The following METTL9 variants were observed in gnomAD, a reference collection of about 807,000 sequenced individuals.
METTL9 encodes the protein methyltransferase 9, His-X-His N1(pi)-histidine.
Under a neutral mutation model 36.0 loss-of-function variants are expected in METTL9, and 10 were observed. The observed-to-expected ratio is 0.28, with a 90% confidence interval of 0.17 to 0.47. METTL9 has a LOEUF of 0.47. Ranked by LOEUF, METTL9 falls within the 20% of genes least tolerant of loss-of-function variation. METTL9 has a pLI of 0.99. For synonymous variants in METTL9, 175 were observed against 149.7 expected, an observed-to-expected ratio of 1.17 and a Z score of -1.23; for missense variants, 246 against 383.5, an observed-to-expected ratio of 0.64 and a Z score of 3.00.
intron 4 of METTL9, among the ~76,000 whole-genome samples, chr16:21,628,856 T>A (rs1965874455): frequency 6.6e-6 from 1 of 151,972 alleles, no homozygotes; most frequent in South Asian, 2.1e-4. Context: ...TTTTTTTTTT[T>A]TACTTGAAGT....
At chr16:21,646,540 C>T (rs1966433642) in intron 4 of METTL9, 1 of 167,408 alleles carries the variant, frequency 6.0e-6, no homozygotes, top group South Asian at 1.4e-4. Context: ...TACACTAAAT[C>T]ACTGTAATAT....
chr16:21,640,992 T>C (rs1285767682), intron 4 of METTL9: 2 of 152,268 alleles, frequency 1.3e-5, no homozygotes, highest in Non-Finnish European at 1.5e-5. Context: ...ATTCTCATTT[T>C]GCTGATAGCA....
rs76718637 is a variant in METTL9, at chr16:21,637,710, G to A, written c.751+12595G>A. On this transcript the variant is annotated intron_variant, in intron 4 of 4. Transcript: ENST00000358154. ...CCGGAACCTGTGCTGGCCCGCGTGC[G>A]CTGCGCGCAGCCCGGCTCCTGCCCG... 3.4e-3 allele frequency among the ~76,000 whole-genome samples: 517 copies of A among 152,362 alleles called. 6 individuals carry two copies. Among genetic ancestry groups the A allele is most frequent in the African/African-American group, 0.012 (493 of 41,578 alleles).
chr16:21,647,203 T>C, intron 4 of METTL9: 3 of 1,614,148 alleles, frequency 1.9e-6, no homozygotes, highest in Non-Finnish European at 2.5e-6. Context: ...GGAATGCTAT[T>C]CCACAGATGT....
upstream of METTL9, chr16:21,599,477 G>A (rs530390525): frequency 1.5e-5 from 18 of 1,180,194 alleles, no homozygotes; most frequent in African/African-American, 2.9e-4. The surrounding 1 kb of genome is among the most constrained non-coding windows in gnomAD (Gnocchi z 4.4). Flanking sequence ...AAGCGACGCG[G>A]CCGCTCGTAA....
intron 1 of METTL9, among the ~76,000 whole-genome samples, 188 bp downstream of exon 1, chr16:21,600,086 C>G (rs1567322396): frequency 6.6e-6 from 1 of 152,100 alleles, no homozygotes; most frequent in African/African-American, 2.4e-5. Flanking sequence ...GGGCACCCGG[C>G]CGCGGCCCCG....
chr16:21,600,649 G>C (rs1965099040), intron 1 of METTL9, among the ~76,000 whole-genome samples: 3 of 152,182 alleles, frequency 2.0e-5, no homozygotes, highest in Non-Finnish European at 4.4e-5. Flanking sequence ...CATCGTGAGC[G>C]TTACGCTGTG....
intron 4 of METTL9, chr16:21,643,060 C>T: frequency 6.5e-7 from 1 of 1,547,784 alleles, no homozygotes; most frequent in Admixed American, 1.7e-5. Context: ...TTTTTTTTGA[C>T]ATTTTACACT....
At chr16:21,628,828 T>A (rs891166232) in intron 4 of METTL9, among the ~76,000 whole-genome samples, 2 of 152,086 alleles carry the variant, frequency 1.3e-5, no homozygotes, top group Non-Finnish European at 2.9e-5. Flanking sequence ...TATTACTACT[T>A]TAAATATGAT....
chr16:21,614,899 A>T (rs1398645201), intron 2 of METTL9, among the ~76,000 whole-genome samples: 1 of 152,114 alleles, frequency 6.6e-6, no homozygotes, highest in Non-Finnish European at 1.5e-5. Flanking sequence ...ATATCTCTTC[A>T]TGGTTTGTGT....
At chr16:21,642,948 T>C in intron 4 of METTL9, 1 of 601,422 alleles carries the variant, frequency 1.7e-6, no homozygotes, top group South Asian at 2.2e-5. Context: ...AAATACATTC[T>C]TGTGAAAGTT....
At chr16:21,608,602 C>T (rs910722076) in intron 1 of METTL9, among the ~76,000 whole-genome samples, 2 of 152,168 alleles carry the variant, frequency 1.3e-5, no homozygotes, top group African/African-American at 4.8e-5. Flanking sequence ...GGCAGTTTTG[C>T]CTCCCAGGGG....
intron 4 of METTL9, chr16:21,652,867 C>G (rs777718428): frequency 1.3e-5 from 5 of 377,856 alleles, no homozygotes; most frequent in African/African-American, 2.1e-5. Flanking sequence ...TGATTTACAC[C>G]TAGCACATAT....
At chr16:21,618,916 A>G (rs1216911065) in intron 3 of METTL9, among the ~76,000 whole-genome samples, 3 of 151,970 alleles carry the variant, frequency 2.0e-5, no homozygotes, top group East Asian at 1.9e-4. Context: ...GGGTTTCACT[A>G]TTTGGCCAGG....
chr16:21,639,120 A>G (rs1047871379), intron 4 of METTL9, among the ~76,000 whole-genome samples: 2 of 152,240 alleles, frequency 1.3e-5, no homozygotes, highest in African/African-American at 2.4e-5. Flanking sequence ...TTGAAGTTTG[A>G]AAATATATAC....
At chr16:21,623,210 G>A (rs2152895658) in intron 3 of METTL9, among the ~76,000 whole-genome samples, 1 of 152,306 alleles carries the variant, frequency 6.6e-6, no homozygotes, top group South Asian at 2.1e-4. Flanking sequence ...ACCTGCACCA[G>A]TAAGGAATCT....
intron 4 of METTL9, chr16:21,643,685 C>G: frequency 1.2e-6 from 1 of 829,596 alleles, no homozygotes; most frequent in Non-Finnish European, 2.0e-6. Flanking sequence ...TAAGATTAAA[C>G]TAACTTAATA....
chr16:21,599,345 G>A (rs1037220768), upstream of METTL9: 17 of 956,974 alleles, frequency 1.8e-5, no homozygotes, highest in African/African-American at 1.4e-4. This position sits in a 1 kb window ranked among gnomAD's most constrained non-coding sequence, Gnocchi z 4.4. Context: ...AACCACCTCC[G>A]CCATTTACTA....
At chr16:21,630,254 T>C (rs1261110380) in intron 4 of METTL9, among the ~76,000 whole-genome samples, 2 of 152,230 alleles carry the variant, frequency 1.3e-5, no homozygotes, top group Non-Finnish European at 2.9e-5. Context: ...CAGCAGGCGC[T>C]GGCTGGTGGC....
Sources: allele counts gnomAD v4.1 joint callset (sites outside exome capture counted in the v4.1 genomes callset), GRCh38; gene constraint gnomAD v4.1.1; non-coding constraint Gnocchi (gnomAD v3.1); transcripts MANE v1.5; gene names NCBI Gene and HGNC (gene_info 2026-07-23, HGNC 2026-07-21).